The following NCKAP5 variants were observed in gnomAD, a reference collection of about 807,000 sequenced individuals.
NCKAP5 encodes nck-associated protein 5.
Under a neutral mutation model 167.0 loss-of-function variants are expected in NCKAP5, and 92 were observed. The ratio of observed to expected loss-of-function variants is 0.55; its 90% CI spans 0.47 to 0.66. NCKAP5 has a LOEUF of 0.66. Ranked by LOEUF, NCKAP5 falls within the 30% of genes least tolerant of loss-of-function variation. NCKAP5 has a pLI of 0.00. For missense variants in NCKAP5, 2,378 were observed against 2,315.0 expected (o/e 1.03, Z -0.56); for synonymous variants, 891 against 877.4 (o/e 1.02, Z -0.27).
intron 3 of NCKAP5, among the ~76,000 whole-genome samples, chr2:133,360,049 T>C (rs1684995435): frequency 6.6e-6 from 1 of 152,188 alleles, no homozygotes; most frequent in Non-Finnish European, 1.5e-5. Context: ...ACCTCTCTTG[T>C]CTGACCGCCC....
At chr2:133,450,354 T>C (rs1181592609) in intron 3 of NCKAP5, among the ~76,000 whole-genome samples, 2 of 152,166 alleles carry the variant, frequency 1.3e-5, no homozygotes, top group African/African-American at 4.8e-5. Flanking sequence ...TAACCTTTCC[T>C]GAACACAGTT....
chr2:133,597,396 G>A, the NCKAP5 span, among the ~76,000 whole-genome samples: 2 of 152,164 alleles, frequency 1.3e-5, no homozygotes, highest in African/African-American at 4.8e-5. Flanking sequence ...CTGGCTGGGC[G>A]CAGTGGCTCA....
rs983190289 is a variant in NCKAP5, at chr2:132,671,892, T to C, written c.*1397A>G. 1.3e-5 allele frequency: 2 copies of C among 152,584 alleles called. No individual in the cohort carries two copies. The highest frequency in any genetic ancestry group is 2.9e-5 in the Non-Finnish European group (2 of 68,012). The allele number at this position is 152,584 out of a possible 1,614,324, so 9.5% of individuals were successfully genotyped here. A position where few individuals can be genotyped will look rare whatever the true frequency, so the allele number is the denominator to read the frequency against. On this transcript the variant is annotated 3_prime_UTR_variant, in exon 20 of 20. Transcript: ENST00000409261. ...CATTTTACATAATTTTCATTTAAGA[T>C]AAAATAAAACAAATTGCACAAATTA...
At chr2:132,849,777 T>C (rs1192512860) in intron 11 of NCKAP5, among the ~76,000 whole-genome samples, 3 of 152,214 alleles carry the variant, frequency 2.0e-5, no homozygotes, top group Non-Finnish European at 2.9e-5. Context: ...CCACCCGACA[T>C]GCCTCCTTGG....
At chr2:133,078,553 G>A (rs944115626) in intron 6 of NCKAP5, among the ~76,000 whole-genome samples, 1 of 152,104 alleles carries the variant, frequency 6.6e-6, no homozygotes, top group Non-Finnish European at 1.5e-5. Flanking sequence ...TGGGGTGAAG[G>A]TGGCAACTGG....
chr2:133,508,866 T>C (rs894827857), intron 3 of NCKAP5, among the ~76,000 whole-genome samples: 1 of 152,238 alleles, frequency 6.6e-6, no homozygotes, highest in African/African-American at 2.4e-5. Flanking sequence ...TCATTTGTAC[T>C]TATTTCTGCT....
At chr2:132,768,795 A>G in intron 16 of NCKAP5, among the ~76,000 whole-genome samples, 1 of 151,260 alleles carries the variant, frequency 6.6e-6, no homozygotes, top group African/African-American at 2.4e-5. Context: ...GCCCGCCACC[A>G]CGCCCGGCTA....
Position 132,672,911 on chromosome 2 carries a change from G to C in NCKAP5, c.*378C>G, listed in dbSNP as rs1401128009. ...GCCTGCTGTGAATTTGACAAGGAAG[G>C]CTCTGGTACTGCAATAGTTTATTGT... On this transcript the variant is annotated 3_prime_UTR_variant, in exon 20 of 20. Coordinates refer to ENST00000409261, the MANE Select transcript of NCKAP5 (RefSeq NM_207363.3). 1.0e-6 allele frequency: 1 copy of C among 960,232 alleles called. No individual in the cohort carries two copies. The highest frequency in any genetic ancestry group is 1.2e-6 in the Non-Finnish European group (1 of 806,152). 59.5% of individuals were successfully genotyped at this position (960,232 alleles called of 1,614,324 possible).
chr2:133,097,295 T>C (rs1344211466), intron 6 of NCKAP5, among the ~76,000 whole-genome samples: 1 of 152,118 alleles, frequency 6.6e-6, no homozygotes, highest in Non-Finnish European at 1.5e-5. Context: ...CAAATAAACC[T>C]CTCTTTTTCA....
chr2:133,010,488 A>C (rs1244731453), intron 6 of NCKAP5, among the ~76,000 whole-genome samples: 1 of 152,192 alleles, frequency 6.6e-6, no homozygotes, highest in Non-Finnish European at 1.5e-5. Context: ...GTACATATGC[A>C]TATTTGCAGC....
At chr2:133,096,245 C>A (rs1353550739) in intron 6 of NCKAP5, among the ~76,000 whole-genome samples, 1 of 152,132 alleles carries the variant, frequency 6.6e-6, no homozygotes, top group Non-Finnish European at 1.5e-5. Flanking sequence ...AATCCCAGCA[C>A]TTTGGGAGGC....
chr2:132,742,091 C>T (rs896607676), intron 16 of NCKAP5, among the ~76,000 whole-genome samples: 6 of 152,036 alleles, frequency 3.9e-5, no homozygotes, highest in Non-Finnish European at 8.8e-5. Flanking sequence ...CAACAATCTA[C>T]TCATGCCCAT....
the NCKAP5 span, among the ~76,000 whole-genome samples, chr2:133,647,485 A>T: frequency 9.5e-6 from 1 of 105,128 alleles, no homozygotes; most frequent in Non-Finnish European, 1.9e-5. Flanking sequence ...AGGAAAGGAA[A>T]GGAAAGGAAA....
intron 11 of NCKAP5, among the ~76,000 whole-genome samples, chr2:132,805,322 C>A (rs765807673): frequency 6.6e-6 from 1 of 152,148 alleles, no homozygotes; most frequent in Non-Finnish European, 1.5e-5. Context: ...AGTCTGACTG[C>A]AGAGTTCATG....
chr2:133,491,691 G>A (rs36117077), intron 3 of NCKAP5, among the ~76,000 whole-genome samples: 15 of 151,976 alleles, frequency 9.9e-5, no homozygotes, highest in African/African-American at 3.6e-4. Context: ...AGACGTGAAG[G>A]AATAGCCAGC....
At chr2:133,427,829 A>G (rs1689909825) in intron 3 of NCKAP5, among the ~76,000 whole-genome samples, 1 of 152,156 alleles carries the variant, frequency 6.6e-6, no homozygotes, top group Non-Finnish European at 1.5e-5. Context: ...AAAGGTTATC[A>G]TGCTTATTTA....
chr2:133,441,877 T>A (rs2151165924), intron 3 of NCKAP5, among the ~76,000 whole-genome samples: 1 of 152,324 alleles, frequency 6.6e-6, no homozygotes, highest in Admixed American at 6.5e-5. Context: ...TATAGACTCT[T>A]CTCTGTATCA....
intron 6 of NCKAP5, among the ~76,000 whole-genome samples, chr2:133,090,358 A>T (rs1367776011): frequency 6.6e-6 from 1 of 152,048 alleles, no homozygotes; most frequent in Non-Finnish European, 1.5e-5. Flanking sequence ...AAAGGTAGAA[A>T]GAGATTTGAG....
chr2:133,392,099 C>G lies in NCKAP5; in HGVS notation c.70-88989G>C, dbSNP rs531728141. Among the ~76,000 whole-genome samples, 12 of 152,334 alleles carry G rather than the reference C, an allele frequency of 7.9e-5. 1 individual carries two copies. In the South Asian group the frequency reaches 2.3e-3, roughly 29 times the overall value. ...GTATTGCCATTAGTCTCAGTTACATCTCAAATTACATCTACAGTTATGGGC... is the reference window on the plus strand; with the variant it reads ...GTATTGCCATTAGTCTCAGTTACATGTCAAATTACATCTACAGTTATGGGC... On this transcript the variant is annotated intron_variant, in intron 3 of 19. Transcript: ENST00000409261.
Sources: gnomAD v4.1 joint callset for allele counts (sites outside exome capture counted in the v4.1 genomes callset) on GRCh38, gnomAD v4.1.1 for gene constraint, MANE v1.5 for transcripts, NCBI Gene and HGNC (gene_info 2026-07-23, HGNC 2026-07-21) for gene names.